Variants in LANCL1 observed in about 807,000 individuals in gnomAD.
The protein encoded by LANCL1 is glutathione S-transferase LANCL1.
LANCL1 carries 50 observed loss-of-function variants against 50.6 expected under a neutral mutation model. The ratio of observed to expected loss-of-function variants is 0.99; its 90% CI spans 0.79 to 1.25. The LOEUF is 1.25. Among genes scored for constraint, LANCL1 ranks in the 50% most tolerant of loss-of-function variants. LANCL1 has a pLI of 0.00. For missense variants in LANCL1, 532 were observed against 480.7 expected, an observed-to-expected ratio of 1.11 and a Z score of -1.00; for synonymous variants, 188 against 178.6, an observed-to-expected ratio of 1.05 and a Z score of -0.42.
intron 3 of LANCL1, among the ~76,000 whole-genome samples, chr2:210,465,580 AT>A (rs888990677): frequency 5.8e-4 from 88 of 152,364 alleles, no homozygotes; most frequent in African/African-American, 2.0e-3. Context: ...CATATTGAAA[AT>A]GTAGCCTTTA....
intron 4 of LANCL1, among the ~76,000 whole-genome samples, chr2:210,446,552 C>T (rs1176604463): frequency 1.3e-5 from 2 of 152,024 alleles, no homozygotes; most frequent in African/African-American, 4.8e-5. Flanking sequence ...TAATAACAAA[C>T]TCCCCTGAGC....
chr2:210,443,867 T>C (rs1334998785), intron 4 of LANCL1, among the ~76,000 whole-genome samples: 4 of 152,198 alleles, frequency 2.6e-5, no homozygotes, highest in East Asian at 3.8e-4. Context: ...TAAGGAATGA[T>C]AGAAAATGGT....
rs1692763097 is a variant in LANCL1 at position 210,432,062 on chromosome 2, A to G, written c.*2425T>C. ...TGGGAAAGATTTTTAAAGAAGAAAA[A>G]TATCTGAGAGAAAAATACAAACTAG... On this transcript the variant is annotated 3_prime_UTR_variant, in exon 10 of 10. Coordinates refer to ENST00000450366, the MANE Select transcript of LANCL1 (RefSeq NM_006055.3). 1 of 152,194 alleles carries G rather than the reference A, an allele frequency of 6.6e-6. No individual in the cohort carries two copies. The highest frequency in any genetic ancestry group is 2.4e-5 in the African/African-American group (1 of 41,454). The allele number at this position is 152,194 out of a possible 1,614,324, so 9.4% of individuals were successfully genotyped here.
intron 4 of LANCL1, among the ~76,000 whole-genome samples, chr2:210,441,908 A>AT (rs35332921): frequency 0.026 from 3,686 of 143,234 alleles, 121 homozygotes; most frequent in African/African-American, 0.081. Flanking sequence ...ATACATGTAC[A>AT]TTTTTTTTTT....
intron 4 of LANCL1, chr2:210,442,627 G>C (rs1007541001): frequency 1.3e-5 from 2 of 152,164 alleles, no homozygotes; most frequent in Non-Finnish European, 2.9e-5. Context: ...AGCTATTTGA[G>C]GTCTCTGAAA....
At chr2:210,477,581 G>T, upstream of LANCL1, 1 of 1,393,626 alleles carries the variant, frequency 7.2e-7, no homozygotes, top group Non-Finnish European at 9.4e-7. Context: ...AACTGGAGAA[G>T]CTCAGTCTCC....
intron 6 of LANCL1, among the ~76,000 whole-genome samples, chr2:210,438,105 G>C (rs1251327273): frequency 2.6e-5 from 4 of 151,066 alleles, no homozygotes; most frequent in Non-Finnish European, 5.9e-5. Flanking sequence ...TTAACTCTTA[G>C]GGCCTTTTGT....
At chr2:210,465,758 T>C (rs1330592127) in intron 3 of LANCL1, among the ~76,000 whole-genome samples, 4 of 152,136 alleles carry the variant, frequency 2.6e-5, no homozygotes, top group Non-Finnish European at 5.9e-5. Flanking sequence ...AAGCAGCAGC[T>C]TTTGCCAACC....
chr2:210,452,122 T>C (rs905772182), intron 4 of LANCL1, among the ~76,000 whole-genome samples: 1 of 152,066 alleles, frequency 6.6e-6, no homozygotes, highest in Non-Finnish European at 1.5e-5. Context: ...TACAACACTG[T>C]GAATATAATT....
chr2:210,438,314 T>C (rs1693009917), intron 6 of LANCL1, among the ~76,000 whole-genome samples: 1 of 152,108 alleles, frequency 6.6e-6, no homozygotes, highest in Admixed American at 6.5e-5. Flanking sequence ...TTTGTGTTTT[T>C]AGTAAAGACG....
intron 3 of LANCL1, chr2:210,468,585 G>GT (rs1694138600): frequency 6.6e-6 from 1 of 152,222 alleles, no homozygotes. Flanking sequence ...CCAATGCAAA[G>GT]TAAGCACAAC....
In LANCL1 at chr2:210,433,584, C is replaced by A. The variant is rs1692819929; in HGVS notation, c.*903G>T. On this transcript the variant is annotated 3_prime_UTR_variant, in exon 10 of 10. Coordinates refer to ENST00000450366, the MANE Select transcript of LANCL1 (RefSeq NM_006055.3). ...ACTAATGCATAGTCACTGTAAAAAC[C>A]CAAGTTAAAGTTTAGAAAGTCAGTC... 1 of 151,902 alleles carries A rather than the reference C, an allele frequency of 6.6e-6. No individual in the cohort carries two copies. The highest frequency in any genetic ancestry group is 1.5e-5 in the Non-Finnish European group (1 of 67,978). The allele number at this position is 151,902 out of a possible 1,614,324, so 9.4% of individuals were successfully genotyped here.
Position 210,451,548 on chromosome 2 carries a change from C to A in LANCL1, c.407+3559G>T, listed in dbSNP as rs556697581. The stretch of plus-strand genomic sequence containing the variant: ...TAGGTAACATTTATAAGTACTTTTT[C>A]AGTTTAGGTGCCATAATTTATGCTA... On this transcript the variant is annotated intron_variant, in intron 4 of 9. Coordinates refer to ENST00000450366, the MANE Select transcript of LANCL1 (RefSeq NM_006055.3). Among the ~76,000 whole-genome samples the A allele has an allele frequency of 4.6e-5, 7 of 152,274 alleles. No individual in the cohort carries two copies. The South Asian group carries it at 1.4e-3, about 32-fold the overall frequency.
At chr2:210,439,335 T>G (rs1206773271) in intron 6 of LANCL1, among the ~76,000 whole-genome samples, 1 of 152,200 alleles carries the variant, frequency 6.6e-6, no homozygotes, top group African/African-American at 2.4e-5. Flanking sequence ...TTTGTTTCAA[T>G]GAAAGTTTGA....
At position 210,432,198 on chromosome 2, in the gene LANCL1, G is replaced by T. The variant is rs1242555203; in HGVS notation, c.*2289C>A. On this transcript the variant is annotated 3_prime_UTR_variant, in exon 10 of 10. Coordinates refer to ENST00000450366, the MANE Select transcript of LANCL1 (RefSeq NM_006055.3). ...TGTCTCAGCGTTGTAGGCTTTGCCT[G>T]AATTTAAAATCCCATCAAAACTTTT... The T allele has an allele frequency of 2.0e-5, 3 of 152,102 alleles. No individual in the cohort carries two copies. Among genetic ancestry groups the T allele is most frequent in the Non-Finnish European group, 4.4e-5 (3 of 68,012 alleles). 9.4% of individuals were successfully genotyped at this position (152,102 alleles called of 1,614,324 possible). A position where few individuals can be genotyped will look rare whatever the true frequency, so the allele number is the denominator to read the frequency against.
chr2:210,454,260 A>G (rs1426674660), intron 4 of LANCL1, among the ~76,000 whole-genome samples: 1 of 137,252 alleles, frequency 7.3e-6, no homozygotes, highest in African/African-American at 2.7e-5. Context: ...ACACACACAC[A>G]CGCCTAAACA....
At chr2:210,445,658 A>AT (rs1249459927) in intron 4 of LANCL1, among the ~76,000 whole-genome samples, 3 of 152,184 alleles carry the variant, frequency 2.0e-5, no homozygotes. Context: ...CATAATGGTT[A>AT]TTTTATGTGT....
chr2:210,471,859 G>A, intron 3 of LANCL1, 100 bp downstream of exon 3: 1 of 846,022 alleles, frequency 1.2e-6, no homozygotes, highest in Non-Finnish European at 2.0e-6. Flanking sequence ...GCAGATGCAG[G>A]AAGCATTTAA....
chr2:210,466,742 T>C (rs1018370315), intron 3 of LANCL1, among the ~76,000 whole-genome samples: 1 of 152,178 alleles, frequency 6.6e-6, no homozygotes, highest in Non-Finnish European at 1.5e-5. Flanking sequence ...ATGTGACCCT[T>C]TCACGGAACA....
Sources: allele counts gnomAD v4.1 joint callset (sites outside exome capture counted in the v4.1 genomes callset), GRCh38; gene constraint gnomAD v4.1.1; transcripts MANE v1.5; gene names NCBI Gene and HGNC (gene_info 2026-07-23, HGNC 2026-07-21).